FLYWCH1: variants seen among roughly 807,000 people sequenced by gnomAD.
FLYWCH1 encodes the protein FLYWCH-type zinc finger-containing protein 1.
FLYWCH1 carries 75 observed loss-of-function variants against 66.4 expected under a neutral mutation model. The ratio of observed to expected loss-of-function variants is 1.13; its 90% confidence interval spans 0.94 to 1.37. The LOEUF (loss-of-function observed/expected upper bound fraction) is 1.37. Among genes scored for constraint, FLYWCH1 ranks in the 40% most tolerant of loss-of-function variants. FLYWCH1 has a pLI of 0.00. For synonymous variants in FLYWCH1, 595 were observed against 429.9 expected (o/e 1.38, Z -4.75); for missense variants, 1,334 against 1,001.8 (o/e 1.33, Z -4.48).
At chr16:2,931,879 C>T (rs748228430) in intron 4 of FLYWCH1, among the ~76,000 whole-genome samples, 3 of 151,186 alleles carry the variant, frequency 2.0e-5, no homozygotes, top group East Asian at 1.9e-4. Flanking sequence ...TTTGGGAGGT[C>T]GAGGTGGGCG....
At chr16:2,942,379 C>T (rs1452398301) in intron 9 of FLYWCH1, among the ~76,000 whole-genome samples, 2 of 152,008 alleles carry the variant, frequency 1.3e-5, no homozygotes, top group African/African-American at 4.8e-5. Context: ...AACTCCTGGG[C>T]TCAATCAGTC....
chr16:2,939,161 G>C (rs1378404030), intron 8 of FLYWCH1, among the ~76,000 whole-genome samples: 3 of 152,136 alleles, frequency 2.0e-5, no homozygotes, highest in Admixed American at 6.6e-5. Context: ...ACAAATCCAA[G>C]TTGGCCAGGC....
intron 8 of FLYWCH1, among the ~76,000 whole-genome samples, chr16:2,939,445 A>C (rs2071166330): frequency 6.6e-6 from 1 of 151,724 alleles, no homozygotes; most frequent in African/African-American, 2.4e-5. Flanking sequence ...AACAAGAGTG[A>C]AACTCCATCT....
In FLYWCH1 at chr16:2,933,541, C is replaced by G. The variant is rs201434288; in HGVS notation, c.1208C>G (p.Pro403Arg). The G allele has an allele frequency of 1.9e-6, 3 of 1,608,430 alleles. No homozygotes were observed. Among genetic ancestry groups the G allele is most frequent in the African/African-American group, 2.7e-5 (2 of 74,828 alleles). The change falls in exon 5 of 10, where the codon CCC becomes CGC. Residue 403 changes from proline (P) to arginine (R), a missense_variant. Pro to Arg is a moderately radical substitution (Grantham distance 103). Coordinates refer to ENST00000253928, the MANE Select transcript of FLYWCH1 (RefSeq NM_001308068.2). ...GAAGACCAGGAGCTGCCAACCCAGC[C>G]CGAGGCCCCAGACGAGCACCAGGAC... ...KVEDQELPTQ[P>R]EAPDEHQDMD... is the part of the protein sequence containing the mutation.
At chr16:2,940,635 C>T (rs886972670) in intron 9 of FLYWCH1, among the ~76,000 whole-genome samples, 13 of 152,158 alleles carry the variant, frequency 8.5e-5, no homozygotes, top group African/African-American at 2.7e-4. Context: ...AGGGTTTTAT[C>T]ATGGTGGCCA....
intron 9 of FLYWCH1, among the ~76,000 whole-genome samples, chr16:2,942,648 C>T (rs1045412592): frequency 6.8e-6 from 1 of 146,862 alleles, no homozygotes; most frequent in Non-Finnish European, 1.5e-5. Context: ...ATTAATGTAA[C>T]ACAGCAGGCC....
chr16:2,930,103 G>T, intron 3 of FLYWCH1, 93 bp downstream of exon 3: 1 of 1,150,904 alleles, frequency 8.7e-7, no homozygotes. Flanking sequence ...ATAGTGTCTT[G>T]TCCTTGCTCC....
At chr16:2,936,969 T>TG (rs946440961) in intron 6 of FLYWCH1, 152 bp from the exon 7 acceptor site, 2 of 971,098 alleles carry the variant, frequency 2.1e-6, no homozygotes, top group Non-Finnish European at 1.5e-6. Context: ...CCAGCAGAGT[T>TG]GGGGGGATGG....
intron 6 of FLYWCH1, chr16:2,936,513 A>G: frequency 2.7e-6 from 1 of 365,112 alleles, no homozygotes; most frequent in Non-Finnish European, 5.5e-6. Flanking sequence ...TTCCACTGCC[A>G]CCCGATGTGT....
chr16:2,919,038 C>G (rs2070274175), intron 2 of FLYWCH1, among the ~76,000 whole-genome samples: 1 of 150,732 alleles, frequency 6.6e-6, no homozygotes, highest in African/African-American at 2.4e-5. Flanking sequence ...ACCTCCAAAG[C>G]AATTCTTCTG....
Position 2,927,249 on chromosome 16 carries a change from A to G in FLYWCH1, c.-73-2364A>G, listed in dbSNP as rs192417757. 2.0e-4 allele frequency among the ~76,000 whole-genome samples: 31 copies of G among 152,322 alleles called. No homozygotes were observed. In the East Asian group the frequency reaches 5.6e-3, roughly 27 times the overall value. On this transcript the variant is annotated intron_variant, in intron 2 of 9. Transcript: ENST00000253928. ...AGCACCACCTAGTGGACAAGGTAGC[A>G]CACTGCACGCGATCATTGATGAAGC...
intron 6 of FLYWCH1, chr16:2,936,308 C>T (rs1200456872): frequency 9.1e-6 from 4 of 437,900 alleles, no homozygotes; most frequent in African/African-American, 8.1e-5. Context: ...TTCGTCCTGA[C>T]CTCTTCTGTC....
chr16:2,923,680 C>G lies in FLYWCH1; in HGVS notation c.-73-5933C>G, dbSNP rs1299537249. On this transcript the variant is annotated intron_variant, in intron 2 of 9. Transcript: ENST00000253928. ...TTTGTGTTGCACAGCATATGGCAAT[C>G]TGGAGCTCACACATAGTTTTATGTC... 4.6e-5 allele frequency among the ~76,000 whole-genome samples: 7 copies of G among 152,206 alleles called. No individual in the cohort carries two copies. The East Asian group carries it at 1.3e-3, about 29-fold the overall frequency.
chr16:2,938,201 G>A lies in FLYWCH1; in HGVS notation c.1795G>A (p.Glu599Lys). 6.2e-7 allele frequency: 1 copy of A among 1,612,910 alleles called. No homozygotes were observed. ...WDSPDPLRPL[E>K]FLRTSLGGRF... ...CCTTTCAGATCCTCTCCGGCCCCTG[G>A]AGTTCCTGAGGACTTCCCTGGGGGG... is the stretch of plus-strand genomic sequence containing the variant. Residue 599 changes from glutamate to lysine, a missense_variant, in exon 8 of 10, where the codon GAG becomes AAG. Glu to Lys is a moderately conservative substitution (Grantham distance 56). Transcript: ENST00000253928.
intron 2 of FLYWCH1, among the ~76,000 whole-genome samples, chr16:2,921,144 G>T (rs2070360979): frequency 1.3e-5 from 2 of 152,076 alleles, no homozygotes; most frequent in South Asian, 4.1e-4. Context: ...CCCAGACAGG[G>T]ATTGTTTTTC....
chr16:2,945,195 A>G (rs1259914582), intron 9 of FLYWCH1, among the ~76,000 whole-genome samples: 6 of 151,922 alleles, frequency 3.9e-5, no homozygotes, highest in African/African-American at 1.5e-4. Context: ...ACTACTAAAA[A>G]TACAAAAATT....
At position 2,930,889 on chromosome 16, in the gene FLYWCH1, A is replaced by AATCCACTCCCCTGCTGC; in HGVS notation, c.796+10_796+26dup. The AATCCACTCCCCTGCTGC allele has an allele frequency of 6.3e-7, 1 of 1,576,574 alleles. No homozygotes were observed. Among genetic ancestry groups the AATCCACTCCCCTGCTGC allele is most frequent in the Non-Finnish European group, 8.6e-7 (1 of 1,166,802 alleles). On this transcript the variant is annotated intron_variant, in intron 4 of 9. Transcript: ENST00000253928. ...CTCGATCCTGGGGCTGGGTGAGTACAATCCACTCCCCTGCTGCGTCCACTC... is the reference window on the plus strand; with the variant it reads ...CTCGATCCTGGGGCTGGGTGAGTACAATCCACTCCCCTGCTGCATCCACTCCCCTGCTGCGTCCACTC...
intron 2 of FLYWCH1, among the ~76,000 whole-genome samples, chr16:2,928,563 G>C (rs34783050): frequency 0.21 from 31,671 of 152,196 alleles, 4,027 homozygotes; most frequent in Non-Finnish European, 0.28. Context: ...ATTCAGTACA[G>C]CACATGTTTC....
rs199955271 is a variant in FLYWCH1 at position 2,933,338 on chromosome 16, G to A, written c.1005G>A (p.Met335Ile). 4.4e-4 allele frequency: 710 copies of A among 1,608,252 alleles called. No homozygotes were observed. Among genetic ancestry groups the A allele is most frequent in the Non-Finnish European group, 5.9e-4 (693 of 1,177,806 alleles). Residue 335 changes from methionine to isoleucine, a missense_variant, in exon 5 of 10, where the codon ATG becomes ATA. Physicochemically the swap from Met to Ile is conservative, Grantham distance 10 (BLOSUM62 1). Transcript: ENST00000253928. ...GTGGGCACTGCCACCAGCCCGATATGGAGGGCCTGGAAGCCCGGCGGCAGC... is the reference window on the plus strand; with the variant it reads ...GTGGGCACTGCCACCAGCCCGATATAGAGGGCCTGGAAGCCCGGCGGCAGC... ...VMRGHCHQPD[M>I]EGLEARRQQE...
Sources: gnomAD v4.1 joint callset for allele counts (sites outside exome capture counted in the v4.1 genomes callset) on GRCh38, gnomAD v4.1.1 for gene constraint, MANE v1.5 for transcripts, NCBI Gene and HGNC (gene_info 2026-07-23, HGNC 2026-07-21) for gene names.